Variants in RGS22 observed in about 807,000 individuals in gnomAD.
The protein encoded by RGS22 is regulator of G protein signaling 22.
In RGS22, 148 loss-of-function variants were observed where a neutral mutation model predicts 172.9. The ratio of observed to expected loss-of-function variants is 0.86; its 90% CI spans 0.75 to 0.98. The LOEUF (loss-of-function observed/expected upper bound fraction) is 0.98. Among genes scored for constraint, RGS22 ranks in the 50% least tolerant of loss-of-function variants. The pLI is 0.00. For missense variants in RGS22, 1,347 were observed against 1,440.8 expected (o/e 0.93, Z 1.05); for synonymous variants, 458 against 480.2 (o/e 0.95, Z 0.60).
chr8:100,027,053 A>G (rs1818257154), intron 14 of RGS22, among the ~76,000 whole-genome samples: 1 of 151,812 alleles, frequency 6.6e-6, no homozygotes, highest in Non-Finnish European at 1.5e-5. Flanking sequence ...AACATGTGAG[A>G]CCCTGTCTCT....
chr8:99,982,325 T>C (rs571938754), intron 21 of RGS22, among the ~76,000 whole-genome samples: 2 of 152,342 alleles, frequency 1.3e-5, no homozygotes, highest in African/African-American at 4.8e-5. Flanking sequence ...CTACATTACA[T>C]AAATACAGAT....
At chr8:99,997,854 C>G (rs552202117) in intron 19 of RGS22, among the ~76,000 whole-genome samples, 1 of 152,302 alleles carries the variant, frequency 6.6e-6, no homozygotes, top group Non-Finnish European at 1.5e-5. Context: ...ACTCCCCAAA[C>G]CCATTCCCAG....
At chr8:100,049,276 G>T (rs1821036814) in intron 10 of RGS22, among the ~76,000 whole-genome samples, 1 of 152,144 alleles carries the variant, frequency 6.6e-6, no homozygotes, top group Admixed American at 6.5e-5. Context: ...ACACTAAAAA[G>T]GGTGAATTTT....
At chr8:100,022,193 T>C (rs561535216) in intron 14 of RGS22, among the ~76,000 whole-genome samples, 56 of 152,202 alleles carry the variant, frequency 3.7e-4, no homozygotes, top group African/African-American at 1.3e-3. Context: ...TTGCAACGTC[T>C]TGATACCAAG....
chr8:99,990,277 A>C (rs1461970509), intron 20 of RGS22, among the ~76,000 whole-genome samples: 1 of 152,130 alleles, frequency 6.6e-6, no homozygotes, highest in African/African-American at 2.4e-5. Flanking sequence ...AATAATAAAA[A>C]ATAATTTTTT....
rs1588929541 is a variant in RGS22 at position 99,994,667 on chromosome 8, T to C, written c.3018+1795A>G. Among the ~76,000 whole-genome samples, 3 of 152,152 alleles carry C rather than the reference T, an allele frequency of 2.0e-5. No homozygotes were observed. The South Asian group carries it at 6.2e-4, about 32-fold the overall frequency. On this transcript the variant is annotated intron_variant, in intron 20 of 27. Coordinates refer to ENST00000360863, the MANE Select transcript of RGS22 (RefSeq NM_015668.5). Reference sequence around the variant, plus strand: ...TGCTCATGGATAGGAGGAATCAATATTGTGAAAATGGCCATACTGCCCAAA... The same window carrying C: ...TGCTCATGGATAGGAGGAATCAATACTGTGAAAATGGCCATACTGCCCAAA...
At chr8:100,000,669 G>A (rs1814942877) in intron 18 of RGS22, among the ~76,000 whole-genome samples, 1 of 152,170 alleles carries the variant, frequency 6.6e-6, no homozygotes. Flanking sequence ...GAGATACCAT[G>A]AAACCTCACG....
chr8:100,014,357 ACT>A (rs1451917737), intron 14 of RGS22, among the ~76,000 whole-genome samples: 1 of 151,564 alleles, frequency 6.6e-6, no homozygotes, highest in Non-Finnish European at 1.5e-5. Context: ...GTTTTTCCTG[ACT>A]CTGTTTTGCC....
At chr8:100,050,669 G>A (rs1201173764) in intron 10 of RGS22, among the ~76,000 whole-genome samples, 1 of 152,094 alleles carries the variant, frequency 6.6e-6, no homozygotes, top group Non-Finnish European at 1.5e-5. Context: ...CGTATCTACA[G>A]TTACTGCAGC....
chr8:100,096,973 A>T (rs1490325443), intron 2 of RGS22, among the ~76,000 whole-genome samples: 5 of 152,256 alleles, frequency 3.3e-5, no homozygotes, highest in African/African-American at 1.2e-4. Flanking sequence ...GAAAGACGTT[A>T]TCTGGTAAGA....
intron 20 of RGS22, among the ~76,000 whole-genome samples, chr8:99,991,879 A>G (rs1813766263): frequency 6.6e-6 from 1 of 152,216 alleles, no homozygotes; most frequent in South Asian, 2.1e-4. Context: ...ATGTCGAGTT[A>G]CCCACAAAGG....
chr8:100,002,290 GCCTT>G lies in RGS22; in HGVS notation c.2698_2701del (p.Lys900GlnfsTer31), dbSNP rs781247876. 1.2e-6 allele frequency: 2 copies of G among 1,611,728 alleles called. No homozygotes were observed. Among genetic ancestry groups the G allele is most frequent in the Non-Finnish European group, 1.7e-6 (2 of 1,179,010 alleles). ...TTTGTTTTTAATGTATATAGATTTTGCCTTCCTTTGATTTCGATCTCTGTAAGTT... is the reference window on the plus strand; with the variant it reads ...TTTGTTTTTAATGTATATAGATTTTGCCTTTGATTTCGATCTCTGTAAGTT... On this transcript the variant is annotated frameshift_variant, in exon 18 of 28. Transcript: ENST00000360863. LOFTEE classifies it high-confidence loss of function.
chr8:100,023,912 CAG>C (rs1018208578), intron 14 of RGS22: 1 of 152,482 alleles, frequency 6.6e-6, no homozygotes, highest in Non-Finnish European at 1.5e-5. Flanking sequence ...TGGGAGGGGA[CAG>C]GGAGATTTCA....
chr8:100,081,362 GTATATATATA>G (rs71274952), intron 3 of RGS22, among the ~76,000 whole-genome samples: 1 of 143,492 alleles, frequency 7.0e-6, no homozygotes, highest in African/African-American at 2.5e-5. Context: ...GTGCGTGTAT[GTATATATATA>G]TATATATATA....
chr8:100,033,403 A>G (rs999796173), intron 14 of RGS22, among the ~76,000 whole-genome samples: 6 of 152,198 alleles, frequency 3.9e-5, no homozygotes, highest in Non-Finnish European at 5.9e-5. Flanking sequence ...TATGCAAATA[A>G]ACTAGAAAAT....
chr8:100,103,973 AAG>A (rs1204575635), intron 2 of RGS22, among the ~76,000 whole-genome samples: 1 of 152,198 alleles, frequency 6.6e-6, no homozygotes, highest in Non-Finnish European at 1.5e-5. Context: ...TGCTGGAACT[AAG>A]AGTAAATTCA....
At chr8:100,072,113 T>G in intron 5 of RGS22, 32 bp downstream of exon 5, 1 of 1,319,746 alleles carries the variant, frequency 7.6e-7, no homozygotes, top group East Asian at 2.4e-5. Context: ...TATATGTATT[T>G]AAAAATACAT....
At chr8:100,097,697 T>G (rs187545581) in intron 2 of RGS22, among the ~76,000 whole-genome samples, 12 of 152,354 alleles carry the variant, frequency 7.9e-5, no homozygotes, top group African/African-American at 2.9e-4. Flanking sequence ...CATCGTTGCC[T>G]CTAGAATAAA....
At chr8:100,101,248 T>C (rs982734371) in intron 2 of RGS22, among the ~76,000 whole-genome samples, 1 of 152,052 alleles carries the variant, frequency 6.6e-6, no homozygotes, top group African/African-American at 2.4e-5. Context: ...CCTTACACCT[T>C]ACTTTAGCTG....
Sources: gnomAD v4.1 joint callset for allele counts (sites outside exome capture counted in the v4.1 genomes callset) on GRCh38, gnomAD v4.1.1 for gene constraint, MANE v1.5 for transcripts, NCBI Gene and HGNC (gene_info 2026-07-23, HGNC 2026-07-21) for gene names.